The following RHOH variants were observed in gnomAD, a reference collection of about 807,000 sequenced individuals.
RHOH encodes the protein rho-related GTP-binding protein RhoH.
In RHOH, 6 loss-of-function variants were observed where a neutral mutation model predicts 13.8. The observed-to-expected ratio is 0.44, with a 90% confidence interval of 0.24 to 0.86. The LOEUF (loss-of-function observed/expected upper bound fraction) is 0.86, where lower values mean the gene tolerates loss of function less well. RHOH is among the 40% of genes least tolerant of loss of function. The pLI is 0.24. For missense variants in RHOH, 147 were observed against 244.5 expected, an observed-to-expected ratio of 0.60 and a Z score of 2.66; for synonymous variants, 117 against 103.0, an observed-to-expected ratio of 1.14 and a Z score of -0.82.
Position 40,243,662 on chromosome 4 carries a change from G to C in RHOH, c.276G>C (p.Leu92=). The change falls in exon 3 of 3, where the codon CTG becomes CTC. Residue 92 remains leucine (L), a synonymous_variant. Coordinates refer to ENST00000381799, the MANE Select transcript of RHOH (RefSeq NM_004310.5). The surrounding 1 kb of genome is among the most constrained non-coding windows in gnomAD (Gnocchi z 6.2). ...CTGTGGCCAACCATAACTCATTCCT[G>C]AACTTGAAGAACAAGTGGATTGGTG... ...CYSVANHNSF[L]NLKNKWIGEI... 1 of 1,614,198 alleles carries C rather than the reference G, an allele frequency of 6.2e-7. No homozygotes were observed. The highest frequency in any genetic ancestry group is 8.5e-7 in the Non-Finnish European group (1 of 1,180,040).
chr4:40,242,217 T>C (rs1272007522), intron 1 of RHOH, among the ~76,000 whole-genome samples: 1 of 152,270 alleles, frequency 6.6e-6, no homozygotes. Context: ...TTATTTGGCC[T>C]TTAATGAAAT....
upstream of RHOH, among the ~76,000 whole-genome samples, chr4:40,196,293 G>A (rs1313854651): frequency 6.6e-6 from 1 of 152,192 alleles, no homozygotes. Context: ...GGGCACAGGC[G>A]GTTGTGACCA....
Position 40,243,507 on chromosome 4 carries a change from A to G in RHOH, c.121A>G (p.Thr41Ala), listed in dbSNP as rs762504287. The G allele has an allele frequency of 1.1e-5, 17 of 1,613,856 alleles. No homozygotes were observed. Among genetic ancestry groups the G allele is most frequent in the Non-Finnish European group, 1.4e-5 (17 of 1,179,986 alleles). The part of the protein sequence containing the change: ...EAYKPTVYEN[T>A]GVDVFMDGIQ... ...CTACAAGCCCACAGTGTACGAGAACACAGGGGTGGACGTCTTCATGGATGG... is the reference window on the plus strand; with the variant it reads ...CTACAAGCCCACAGTGTACGAGAACGCAGGGGTGGACGTCTTCATGGATGG... The change falls in exon 3 of 3, where the codon ACA becomes GCA. Residue 41 changes from threonine (T) to alanine (A), a missense_variant. By Grantham distance (58) the Thr-to-Ala change is moderately conservative. This residue lies in a region of RHOH where 80 missense variants were observed against 152.0 expected (regional missense o/e 0.53). Transcript: ENST00000381799. This position sits in a 1 kb window ranked among gnomAD's most constrained non-coding sequence, Gnocchi z 6.2.
chr4:40,230,564 G>T (rs1026513167), intron 1 of RHOH, among the ~76,000 whole-genome samples: 1 of 149,878 alleles, frequency 6.7e-6, no homozygotes, highest in African/African-American at 2.4e-5. Flanking sequence ...AAGACTATCC[G>T]CAACATGGCA....
Position 40,245,925 on chromosome 4 carries a change from C to T in RHOH, c.*1963C>T, listed in dbSNP as rs183128212. 6.6e-6 allele frequency: 1 copy of T among 152,226 alleles called. No individual in the cohort carries two copies. Among genetic ancestry groups the T allele is most frequent in the African/African-American group, 2.4e-5 (1 of 41,456 alleles). 9.4% of individuals were successfully genotyped at this position (152,226 alleles called of 1,614,324 possible). A position where few individuals can be genotyped will look rare whatever the true frequency, so the allele number is the denominator to read the frequency against. ...CTCTGGTGGGAGGATTGCCTCGGTT[C>T]CCTGGGGCTGACACAGCTGCCTTCA... On this transcript the variant is annotated 3_prime_UTR_variant, in exon 3 of 3. Coordinates refer to ENST00000381799, the MANE Select transcript of RHOH (RefSeq NM_004310.5).
upstream of RHOH, among the ~76,000 whole-genome samples, chr4:40,196,270 A>T (rs1020805096): frequency 1.6e-4 from 25 of 152,222 alleles, no homozygotes; most frequent in African/African-American, 5.8e-4. Flanking sequence ...ACAGTTAGTT[A>T]TTCAGGGATT....
chr4:40,237,408 T>TCA (rs1728713405), intron 1 of RHOH, among the ~76,000 whole-genome samples: 2 of 151,102 alleles, frequency 1.3e-5, no homozygotes, highest in African/African-American at 2.5e-5. Flanking sequence ...TGAGCCAATA[T>TCA]CGTGCCACTG....
At chr4:40,205,929 C>T (rs1325285292) in intron 1 of RHOH, 1 of 152,210 alleles carries the variant, frequency 6.6e-6, no homozygotes, top group Non-Finnish European at 1.5e-5. Context: ...TTCCAGTAAT[C>T]AGTGTGCCTT....
chr4:40,205,323 G>T (rs1724520405), intron 1 of RHOH, among the ~76,000 whole-genome samples: 1 of 152,208 alleles, frequency 6.6e-6, no homozygotes, highest in Non-Finnish European at 1.5e-5. Flanking sequence ...AGAGTGTAGT[G>T]AGTAGTGTGG....
At chr4:40,225,559 C>T (rs1212524493) in intron 1 of RHOH, among the ~76,000 whole-genome samples, 5 of 152,108 alleles carry the variant, frequency 3.3e-5, no homozygotes, top group South Asian at 4.1e-4. Context: ...GTCAAATACA[C>T]GAAGGACGCC....
chr4:40,210,608 T>A (rs978914666), intron 1 of RHOH, among the ~76,000 whole-genome samples: 4 of 151,928 alleles, frequency 2.6e-5, no homozygotes, highest in Non-Finnish European at 4.4e-5. Flanking sequence ...AGACTTATTA[T>A]TAACAATTCC....
intron 1 of RHOH, chr4:40,205,980 C>A (rs1042707000): frequency 1.3e-5 from 2 of 152,192 alleles, no homozygotes; most frequent in Non-Finnish European, 2.9e-5. Flanking sequence ...TCCATGACTA[C>A]ATTTCTTGTA....
At chr4:40,233,774 T>C (rs1728224549) in intron 1 of RHOH, among the ~76,000 whole-genome samples, 1 of 152,202 alleles carries the variant, frequency 6.6e-6, no homozygotes, top group Middle Eastern at 3.4e-3. Flanking sequence ...TGGATTTTTT[T>C]CAACCATTAA....
chr4:40,227,854 C>CAAACCAGTTGTAAATG (rs1257568522), intron 1 of RHOH, among the ~76,000 whole-genome samples: 13 of 152,040 alleles, frequency 8.6e-5, no homozygotes, highest in Admixed American at 7.2e-4. Context: ...AAATGAAATG[C>CAAACCAGTTGTAAATG]AAATGAAAAC....
intron 1 of RHOH, among the ~76,000 whole-genome samples, chr4:40,225,947 C>T (rs1286413500): frequency 6.6e-6 from 1 of 152,086 alleles, no homozygotes. Flanking sequence ...CCTAGTTCCC[C>T]CAGCTGTAAA....
chr4:40,215,667 G>A (rs1400523726), intron 1 of RHOH, among the ~76,000 whole-genome samples: 3 of 152,206 alleles, frequency 2.0e-5, no homozygotes, highest in African/African-American at 2.4e-5. Context: ...AGTGGCTCAC[G>A]CCTGTAATCC....
chr4:40,202,160 T>TG (rs35020339), intron 1 of RHOH, among the ~76,000 whole-genome samples: 1,820 of 151,980 alleles, frequency 0.012, 22 homozygotes, highest in Non-Finnish European at 0.019. Flanking sequence ...TTGCCCAGCC[T>TG]GGTCTCCATC....
Position 40,243,720 on chromosome 4 carries a change from C to A in RHOH, c.334C>A (p.Leu112Met). ...IRSNLPCTPV[L>M]VVATQTDQRE... ...GAGCAACTTGCCCTGTACCCCTGTG[C>A]TGGTGGTGGCCACCCAGACTGACCA... The change falls in exon 3 of 3, where the codon CTG becomes ATG. Residue 112 changes from leucine (L) to methionine (M), a missense_variant. Leu to Met is a conservative substitution (Grantham distance 15). Coordinates refer to ENST00000381799, the MANE Select transcript of RHOH (RefSeq NM_004310.5). This position sits in a 1 kb window ranked among gnomAD's most constrained non-coding sequence, Gnocchi z 6.2. The A allele has an allele frequency of 6.2e-7, 1 of 1,614,078 alleles. No homozygotes were observed. The highest frequency in any genetic ancestry group is 8.5e-7 in the Non-Finnish European group (1 of 1,179,958).
intron 1 of RHOH, among the ~76,000 whole-genome samples, chr4:40,217,311 C>T (rs371899226): frequency 6.6e-6 from 1 of 152,094 alleles, no homozygotes; most frequent in Non-Finnish European, 1.5e-5. Flanking sequence ...TACCTCTTCC[C>T]GGGAAGAAAT....
Sources: allele counts gnomAD v4.1 joint callset (sites outside exome capture counted in the v4.1 genomes callset), GRCh38; gene constraint gnomAD v4.1.1; regional missense constraint gnomAD v4.1.1; non-coding constraint Gnocchi (gnomAD v3.1); transcripts MANE v1.5; gene names NCBI Gene and HGNC (gene_info 2026-07-23, HGNC 2026-07-21).